Variants in EHBP1 observed in about 807,000 individuals in gnomAD.
EHBP1 encodes the protein EH domain binding protein 1, also known as EH domain-binding protein 1.
Under a neutral mutation model 144.0 loss-of-function variants are expected in EHBP1, and 55 were observed. That is an observed-to-expected ratio of 0.38 (90% confidence interval 0.31 to 0.48). EHBP1 has a LOEUF of 0.48. EHBP1 is among the 20% of genes least tolerant of loss of function. The pLI, the probability that EHBP1 is intolerant of heterozygous loss-of-function variation, is 0.98. For missense variants in EHBP1, 1,200 were observed against 1,364.2 expected (o/e 0.88, Z 1.90); for synonymous variants, 469 against 472.7 (o/e 0.99, Z 0.10).
chr2:62,974,435 C>A (rs1035343829), intron 14 of EHBP1, among the ~76,000 whole-genome samples: 5 of 152,076 alleles, frequency 3.3e-5, no homozygotes, highest in African/African-American at 1.2e-4. Flanking sequence ...ATAAAAATAT[C>A]AAATTTTGAT....
intron 7 of EHBP1, among the ~76,000 whole-genome samples, chr2:62,848,304 A>C (rs1047400210): frequency 3.3e-5 from 5 of 152,098 alleles, no homozygotes; most frequent in African/African-American, 1.2e-4. Flanking sequence ...TCTGGCCTCG[A>C]ACTCCTGATC....
At chr2:62,901,470 A>T (rs1351805392) in intron 10 of EHBP1, among the ~76,000 whole-genome samples, 3 of 152,122 alleles carry the variant, frequency 2.0e-5, no homozygotes, top group African/African-American at 7.2e-5. Flanking sequence ...GGGAACGTTT[A>T]AAAAAGTTGA....
chr2:63,033,558 T>C (rs575611672), intron 19 of EHBP1, among the ~76,000 whole-genome samples: 1 of 152,194 alleles, frequency 6.6e-6, no homozygotes, highest in Non-Finnish European at 1.5e-5. Flanking sequence ...ATTCATTGTC[T>C]AAAATATATC....
chr2:62,775,423 T>C (rs967876993), intron 5 of EHBP1, among the ~76,000 whole-genome samples: 2 of 152,204 alleles, frequency 1.3e-5, no homozygotes, highest in Admixed American at 6.5e-5. Context: ...AAAACCTCGG[T>C]TTTGTTAGAA....
chr2:62,887,646 G>A (rs1294973867), intron 10 of EHBP1, among the ~76,000 whole-genome samples: 1 of 152,044 alleles, frequency 6.6e-6, no homozygotes, highest in Non-Finnish European at 1.5e-5. Flanking sequence ...AGACTAAGGT[G>A]GGAGGATTGC....
chr2:62,948,500 G>A lies in EHBP1; in HGVS notation c.1654G>A (p.Glu552Lys). ...TGTTGATCAAGAAAAATTCTATGCA[G>A]AGCTTAGTGATCTGAAGCGGGAGCC... ...SSVDQEKFYA[E>K]LSDLKREPEL... is the part of the protein sequence containing the mutation. The change falls in exon 13 of 23, where the codon GAG (glutamate) becomes AAG (lysine). Residue 552 changes from glutamate (E) to lysine (K), a missense_variant. Glu to Lys is a moderately conservative substitution (Grantham distance 56, BLOSUM62 1). Coordinates refer to ENST00000431489, the MANE Select transcript of EHBP1 (RefSeq NM_001142616.3). 1 of 1,613,944 alleles carries A rather than the reference G, an allele frequency of 6.2e-7. No homozygotes were observed. The highest frequency in any genetic ancestry group is 1.1e-5 in the South Asian group (1 of 91,060).
intron 21 of EHBP1, among the ~76,000 whole-genome samples, chr2:63,040,022 A>G (rs1204236803): frequency 6.6e-6 from 1 of 151,998 alleles, no homozygotes; most frequent in Admixed American, 6.6e-5. Context: ...CCATTGAAAT[A>G]AAGTGCACAA....
At chr2:62,869,063 G>A (rs979035125) in intron 9 of EHBP1, among the ~76,000 whole-genome samples, 1 of 152,094 alleles carries the variant, frequency 6.6e-6, no homozygotes, top group Non-Finnish European at 1.5e-5. Flanking sequence ...AGCTTCATTA[G>A]TCATCAAGAA....
chr2:62,748,208 A>C (rs933939350), intron 3 of EHBP1, among the ~76,000 whole-genome samples: 2 of 152,128 alleles, frequency 1.3e-5, no homozygotes, highest in Non-Finnish European at 2.9e-5. Context: ...GGGCACACTT[A>C]AGAAGTTACG....
At chr2:62,784,084 T>A (rs1209122645) in intron 5 of EHBP1, among the ~76,000 whole-genome samples, 3 of 152,138 alleles carry the variant, frequency 2.0e-5, no homozygotes, top group Non-Finnish European at 4.4e-5. Context: ...GAATTTCCCC[T>A]TTACCCTTAA....
chr2:62,717,048 G>A (rs1334651105), intron 2 of EHBP1, among the ~76,000 whole-genome samples: 1 of 152,164 alleles, frequency 6.6e-6, no homozygotes, highest in Non-Finnish European at 1.5e-5. Flanking sequence ...GATTACAGGT[G>A]TAAGGACCAT....
intron 10 of EHBP1, among the ~76,000 whole-genome samples, chr2:62,902,697 A>G (rs1232885036): frequency 6.6e-6 from 1 of 152,216 alleles, no homozygotes; most frequent in Non-Finnish European, 1.5e-5. Flanking sequence ...TAGGTTATAA[A>G]TGAAAAGTAA....
intron 19 of EHBP1, among the ~76,000 whole-genome samples, chr2:63,001,597 T>C (rs1281371529): frequency 2.0e-5 from 3 of 152,182 alleles, no homozygotes; most frequent in Non-Finnish European, 4.4e-5. Context: ...GGAAAGTGCT[T>C]TACACATATT....
chr2:62,942,343 CA>C (rs2056806379), intron 10 of EHBP1, among the ~76,000 whole-genome samples: 1 of 152,050 alleles, frequency 6.6e-6, no homozygotes, highest in South Asian at 2.1e-4. Flanking sequence ...TTAACCTAGT[CA>C]AAAAGAAACC....
intron 19 of EHBP1, among the ~76,000 whole-genome samples, chr2:63,028,068 C>A (rs1472836958): frequency 6.6e-6 from 1 of 152,018 alleles, no homozygotes; most frequent in Admixed American, 6.6e-5. Context: ...TGGCCTTTAA[C>A]AGTGTATTTT....
chr2:62,684,799 AG>A (rs985912197), intron 1 of EHBP1, among the ~76,000 whole-genome samples: 2 of 152,202 alleles, frequency 1.3e-5, no homozygotes, highest in African/African-American at 4.8e-5. Context: ...GGAGACAGGG[AG>A]GGAGGGAGAG....
upstream of EHBP1, among the ~76,000 whole-genome samples, chr2:62,701,818 A>G (rs1267996390): frequency 1.3e-5 from 2 of 152,226 alleles, no homozygotes; most frequent in Non-Finnish European, 2.9e-5. Flanking sequence ...TTTCATTAGC[A>G]GTTAAAAATT....
intron 10 of EHBP1, among the ~76,000 whole-genome samples, chr2:62,912,901 T>C (rs1369818269): frequency 2.0e-5 from 3 of 152,192 alleles, no homozygotes; most frequent in South Asian, 2.1e-4. Flanking sequence ...GGAGTAGTAT[T>C]CCACCTGTGT....
chr2:62,737,272 G>A (rs1009201461), intron 2 of EHBP1, among the ~76,000 whole-genome samples: 1 of 152,142 alleles, frequency 6.6e-6, no homozygotes, highest in African/African-American at 2.4e-5. Flanking sequence ...TCCTTGTTGG[G>A]ATCATGAGGG....
Sources: gnomAD v4.1 joint callset for allele counts (sites outside exome capture counted in the v4.1 genomes callset) on GRCh38, gnomAD v4.1.1 for gene constraint, MANE v1.5 for transcripts, NCBI Gene and HGNC (gene_info 2026-07-23, HGNC 2026-07-21) for gene names.